The following ZNF254 variants were observed in gnomAD, a reference collection of about 807,000 sequenced individuals.
ZNF254 encodes the protein zinc finger protein 254.
Under a neutral mutation model 12.4 loss-of-function variants are expected in ZNF254, and 10 were observed. The ratio of observed to expected loss-of-function variants is 0.80; its 90% CI spans 0.50 to 1.36. ZNF254 has a LOEUF of 1.36. Ranked by LOEUF, ZNF254 falls within the 40% of genes most tolerant of loss-of-function variation. The pLI, the probability that ZNF254 is intolerant of heterozygous loss-of-function variation, is 0.00. For missense variants in ZNF254, 996 were observed against 763.9 expected, an observed-to-expected ratio of 1.30 and a Z score of -3.58; for synonymous variants, 305 against 253.4, an observed-to-expected ratio of 1.20 and a Z score of -1.93.
chr19:24,101,613 C>T (rs374979666), intron 1 of ZNF254, among the ~76,000 whole-genome samples: 3 of 152,194 alleles, frequency 2.0e-5, no homozygotes, highest in East Asian at 3.8e-4. Context: ...TATTCTTGCA[C>T]TTCTACATAC....
At chr19:24,052,900 T>C (rs374272011) in intron 2 of ZNF254, among the ~76,000 whole-genome samples, 229 of 152,284 alleles carry the variant, frequency 1.5e-3, no homozygotes, top group Admixed American at 2.5e-3. Context: ...AAATGAGTAA[T>C]GTCTTGGGTT....
chr19:24,097,119 A>C (rs1972718297), intron 1 of ZNF254, among the ~76,000 whole-genome samples: 2 of 152,216 alleles, frequency 1.3e-5, no homozygotes, highest in South Asian at 4.1e-4. Flanking sequence ...GCAAAATAAA[A>C]CTTTTGTCAT....
intron 1 of ZNF254, among the ~76,000 whole-genome samples, chr19:24,045,775 C>G (rs1460196180): frequency 6.6e-6 from 1 of 151,822 alleles, no homozygotes. Flanking sequence ...CTGAATTAGT[C>G]TCAGAGTGTG....
Position 24,106,633 on chromosome 19 carries a change from T to C in ZNF254, c.243T>C (p.Asp81=), listed in dbSNP as rs762054589. ...PWNMKRHEMV[D]EPPGMCPHFA... ...ATATGAAGCGACATGAGATGGTGGA[T>C]GAACCCCCAGGTAGGTGAGAGTGAA... The change falls in exon 3 of 4, where the codon GAT becomes GAC. Residue 81 remains aspartate (D), a synonymous_variant. Coordinates refer to ENST00000357002, the MANE Select transcript of ZNF254 (RefSeq NM_203282.4). The C allele has an allele frequency of 6.3e-7, 1 of 1,582,050 alleles. No homozygotes were observed. The highest frequency in any genetic ancestry group is 8.6e-7 in the Non-Finnish European group (1 of 1,162,136).
rs1555753129 is a variant in ZNF254 at position 24,055,232 on chromosome 19, A to AAAAAAAAAAAG, written c.-94+8953_-94+8954insAAAAAAAAAAG. On this transcript the variant is annotated intron_variant, in intron 2 of 4. Coordinates refer to the ZNF254 transcript ENST00000613065. ...AAAAAAAAAAAAAAAAAAAAAAAAA[A>AAAAAAAAAAAG]GAGTGTACTAACAAGACCCAGCACA... 3.7e-3 allele frequency among the ~76,000 whole-genome samples: 449 copies of AAAAAAAAAAAG among 122,616 alleles called. 33 individuals carry two copies. Among genetic ancestry groups the AAAAAAAAAAAG allele is most frequent in the Non-Finnish European group, 5.0e-3 (279 of 55,422 alleles). 80.4% of individuals were successfully genotyped at this position (122,616 alleles called of 152,430 possible). A position where few individuals can be genotyped will look rare whatever the true frequency, so the allele number is the denominator to read the frequency against.
chr19:24,035,814 CA>C (rs752577212), intron 1 of ZNF254, among the ~76,000 whole-genome samples: 1 of 151,698 alleles, frequency 6.6e-6, no homozygotes, highest in South Asian at 2.1e-4. Flanking sequence ...GTTTATAAGG[CA>C]AAAAAATAGC....
chr19:24,078,961 G>A (rs1248936373), intron 2 of ZNF254: 1 of 152,230 alleles, frequency 6.6e-6, no homozygotes, highest in Non-Finnish European at 1.5e-5. Flanking sequence ...AGAGATTACG[G>A]ATTGGGTTAA....
At chr19:24,064,402 A>C (rs1255647501) in intron 2 of ZNF254, 2 of 152,080 alleles carry the variant, frequency 1.3e-5, no homozygotes, top group African/African-American at 2.4e-5. Flanking sequence ...AGATGATAGG[A>C]GTCTCTGCTA....
intron 2 of ZNF254, among the ~76,000 whole-genome samples, chr19:24,047,480 GC>G (rs1970438965): frequency 6.6e-6 from 1 of 151,554 alleles, no homozygotes; most frequent in Non-Finnish European, 1.5e-5. Context: ...TGTTCCCAGG[GC>G]TGGCGTCAAG....
upstream of ZNF254, among the ~76,000 whole-genome samples, chr19:24,082,482 TA>T (rs748512682): frequency 1.1e-3 from 74 of 70,330 alleles, no homozygotes; most frequent in African/African-American, 2.5e-3. Flanking sequence ...CCATCTATAC[TA>T]AAAAAAAAAA....
chr19:24,125,190 AGTTT>A lies in ZNF254; in HGVS notation c.254-1056_254-1053del, dbSNP rs557660393. ...GTTATAAATATCTTTTTGTTATTCT[AGTTT>A]GTTTGTTGAGCTTTTTTATTTTTAC... On this transcript the variant is annotated intron_variant, in intron 3 of 3. Transcript: ENST00000357002. 1.1e-3 allele frequency among the ~76,000 whole-genome samples: 155 copies of A among 140,676 alleles called. 1 individual carries two copies. Among genetic ancestry groups the A allele is most frequent in the South Asian group, 3.5e-3 (15 of 4,334 alleles). 92.3% of individuals were successfully genotyped at this position (140,676 alleles called of 152,430 possible).
At chr19:24,120,585 A>T (rs1974409361) in intron 3 of ZNF254, among the ~76,000 whole-genome samples, 1 of 152,012 alleles carries the variant, frequency 6.6e-6, no homozygotes, top group African/African-American at 2.4e-5. Context: ...CTTTATTTTT[A>T]TATATGGTTT....
chr19:24,125,507 G>C (rs1974773519), intron 3 of ZNF254, among the ~76,000 whole-genome samples: 1 of 151,430 alleles, frequency 6.6e-6, no homozygotes, highest in Non-Finnish European at 1.5e-5. Context: ...TTAAGATTTA[G>C]ACATTAAAAA....
At chr19:24,058,143 A>T (rs1466695844) in intron 2 of ZNF254, among the ~76,000 whole-genome samples, 1 of 152,182 alleles carries the variant, frequency 6.6e-6, no homozygotes, top group East Asian at 1.9e-4. Flanking sequence ...GCTGCTGCAC[A>T]CAGAAGCGGG....
chr19:24,057,349 A>G (rs1970896626), intron 2 of ZNF254, among the ~76,000 whole-genome samples: 2 of 152,330 alleles, frequency 1.3e-5, no homozygotes, highest in South Asian at 4.1e-4. Flanking sequence ...CTCATTAGTA[A>G]GCCTAGCTTA....
At chr19:24,116,712 C>T (rs1974103202) in intron 3 of ZNF254, among the ~76,000 whole-genome samples, 1 of 152,164 alleles carries the variant, frequency 6.6e-6, no homozygotes, top group African/African-American at 2.4e-5. Flanking sequence ...AGTCATTCTC[C>T]ACCCAGCTTT....
chr19:24,120,755 C>T (rs7259224), intron 3 of ZNF254, among the ~76,000 whole-genome samples: 2,632 of 152,052 alleles, frequency 0.017, 85 homozygotes, highest in African/African-American at 0.059. Context: ...CTCTGCCTCC[C>T]GGGTTCACGC....
At chr19:24,079,420 A>C (rs542900861) in intron 2 of ZNF254, 1 of 152,316 alleles carries the variant, frequency 6.6e-6, no homozygotes, top group Admixed American at 6.5e-5. Flanking sequence ...AACTTAGCCC[A>C]GTGAGTACTA....
At chr19:24,072,869 G>A (rs1228627563) in intron 2 of ZNF254, among the ~76,000 whole-genome samples, 1 of 152,150 alleles carries the variant, frequency 6.6e-6, no homozygotes, top group Non-Finnish European at 1.5e-5. Context: ...ACATATTTCT[G>A]ACCCAGCACC....
Sources: gnomAD v4.1 joint callset for allele counts (sites outside exome capture counted in the v4.1 genomes callset) on GRCh38, gnomAD v4.1.1 for gene constraint, MANE v1.5 for transcripts, NCBI Gene and HGNC (gene_info 2026-07-23, HGNC 2026-07-21) for gene names.